FAM118B: variants seen among roughly 807,000 people sequenced by gnomAD.
FAM118B encodes protein FAM118B.
A neutral mutation model predicts 38.5 loss-of-function variants in FAM118B; 24 were observed. The ratio of observed to expected loss-of-function variants is 0.62; its 90% CI spans 0.45 to 0.88. The LOEUF is 0.88. FAM118B is among the 40% of genes least tolerant of loss of function. The pLI, the probability that FAM118B is intolerant of heterozygous loss-of-function variation, is 0.00. For missense variants in FAM118B, 334 were observed against 420.0 expected (o/e 0.80, Z 1.79); for synonymous variants, 138 against 156.3 (o/e 0.88, Z 0.87).
At chr11:126,229,983 A>G (rs1373921853) in intron 2 of FAM118B, among the ~76,000 whole-genome samples, 1 of 152,218 alleles carries the variant, frequency 6.6e-6, no homozygotes, top group East Asian at 1.9e-4. Context: ...TGTTCAGGAA[A>G]TGAGTGTGAT....
At chr11:126,239,815 C>T (rs1226081451) in intron 3 of FAM118B, among the ~76,000 whole-genome samples, 5 of 152,152 alleles carry the variant, frequency 3.3e-5, no homozygotes, top group Non-Finnish European at 7.3e-5. Context: ...CTCCTGGCCT[C>T]GGTTTTTCAT....
At chr11:126,225,965 A>T (rs1248736154) in intron 1 of FAM118B, among the ~76,000 whole-genome samples, 1 of 152,222 alleles carries the variant, frequency 6.6e-6, no homozygotes, top group African/African-American at 2.4e-5. Context: ...TGGGTGACAG[A>T]GTGAGACTCT....
chr11:126,235,137 A>G lies in FAM118B; in HGVS notation c.86+50A>G, dbSNP rs1041169294. The G allele has an allele frequency of 4.6e-6, 7 of 1,514,510 alleles. No homozygotes were observed. The African/African-American group carries it at 8.2e-5, about 18-fold the overall frequency. The allele number at this position is 1,514,510 out of a possible 1,614,324, so 93.8% of individuals were successfully genotyped here. A position where few individuals can be genotyped will look rare whatever the true frequency, so the allele number is the denominator to read the frequency against. On this transcript the variant is annotated intron_variant, in intron 3 of 8. Coordinates refer to ENST00000533050, the MANE Select transcript of FAM118B (RefSeq NM_024556.4). The stretch of plus-strand genomic sequence containing the variant: ...GAGTAAATTACCATTAGTGGGAGAG[A>G]AAGAAAAATAGCCAACTTATACCTT...
chr11:126,239,983 T>C (rs906403041), intron 3 of FAM118B, among the ~76,000 whole-genome samples: 1 of 152,192 alleles, frequency 6.6e-6, no homozygotes, highest in East Asian at 1.9e-4. Context: ...GACAAAAAGG[T>C]TGGGGAGAAG....
rs964017877 is a variant in FAM118B at position 126,252,028 on chromosome 11, C to T, written c.567+1295C>T. ...TGAGATGGAGTTTTGCTCTTGTCGC[C>T]CAGGCTGAAGTGCAATGGCATGATC... On this transcript the variant is annotated intron_variant, in intron 5 of 8. Coordinates refer to ENST00000533050, the MANE Select transcript of FAM118B (RefSeq NM_024556.4). This position sits in a 1 kb window ranked among gnomAD's most constrained non-coding sequence, Gnocchi z 4.7. Among the ~76,000 whole-genome samples the T allele has an allele frequency of 2.0e-5, 3 of 151,436 alleles. No homozygotes were observed. Among genetic ancestry groups the T allele is most frequent in the Non-Finnish European group, 4.4e-5 (3 of 67,970 alleles).
chr11:126,213,950 A>G (rs1357632804), intron 1 of FAM118B, among the ~76,000 whole-genome samples: 1 of 152,232 alleles, frequency 6.6e-6, no homozygotes, highest in Non-Finnish European at 1.5e-5. Context: ...GTTTGGTATG[A>G]CAGTGCAGCT....
intron 4 of FAM118B, among the ~76,000 whole-genome samples, chr11:126,248,716 C>T (rs1169854223): frequency 6.6e-6 from 1 of 152,140 alleles, no homozygotes; most frequent in Admixed American, 6.5e-5. Context: ...AAATCTACTC[C>T]TGCAATAATG....
chr11:126,238,673 C>T (rs150771802), intron 3 of FAM118B, among the ~76,000 whole-genome samples: 8 of 152,276 alleles, frequency 5.3e-5, no homozygotes, highest in Non-Finnish European at 1.2e-4. Context: ...AAACCTCTAG[C>T]CTGCTGAAAG....
intron 6 of FAM118B, among the ~76,000 whole-genome samples, chr11:126,254,891 T>C (rs1305355205): frequency 6.6e-6 from 1 of 152,222 alleles, no homozygotes. Context: ...TGGGTGTGCA[T>C]GCTGTCTAGG....
intron 8 of FAM118B, among the ~76,000 whole-genome samples, chr11:126,261,764 G>A (rs966511511): frequency 2.0e-5 from 3 of 152,184 alleles, no homozygotes; most frequent in African/African-American, 7.2e-5. Flanking sequence ...TGAGGCAGGA[G>A]GATTGCTTGA....
chr11:126,260,079 T>A (rs1396450752), intron 7 of FAM118B, among the ~76,000 whole-genome samples: 2 of 152,022 alleles, frequency 1.3e-5, no homozygotes, highest in African/African-American at 2.4e-5. Flanking sequence ...TCACCCAGGC[T>A]GCAGTACAAT....
chr11:126,228,433 C>G (rs985965759), intron 1 of FAM118B, among the ~76,000 whole-genome samples: 1 of 152,078 alleles, frequency 6.6e-6, no homozygotes, highest in African/African-American at 2.4e-5. Context: ...CTCCTGAGCT[C>G]AAGTGATCCT....
intron 2 of FAM118B, 82 bp downstream of exon 2, chr11:126,229,375 G>C (rs1950180453): frequency 6.6e-6 from 1 of 152,106 alleles, no homozygotes; most frequent in South Asian, 2.1e-4. Flanking sequence ...GAACACTTTT[G>C]TTCCCTATAC....
At position 126,226,194 on chromosome 11, in the gene FAM118B, C is replaced by A. The variant is rs1160364620; in HGVS notation, c.-76-3031C>A. On this transcript the variant is annotated intron_variant, in intron 1 of 8. Transcript: ENST00000533050. ...CAAGTTCCTATCACTGTGAGTTAGG[C>A]AGGCCAGAAAGGAACGTGGCGCAAG... 1.0e-4 allele frequency among the ~76,000 whole-genome samples: 5 copies of A among 49,832 alleles called. 1 individual carries two copies. The highest frequency in any genetic ancestry group is 5.1e-4 in the African/African-American group (5 of 9,844). The allele number at this position is 49,832 out of a possible 152,430, so 32.7% of individuals were successfully genotyped here.
chr11:126,212,030 A>G (rs911506753), intron 1 of FAM118B, among the ~76,000 whole-genome samples, 200 bp downstream of exon 1: 2 of 152,086 alleles, frequency 1.3e-5, no homozygotes, highest in African/African-American at 2.4e-5. Context: ...CGCTCGCCCC[A>G]GAGCCCTCCT....
At chr11:126,214,720 A>G (rs757837782) in intron 1 of FAM118B, among the ~76,000 whole-genome samples, 38 of 151,932 alleles carry the variant, frequency 2.5e-4, no homozygotes, top group Non-Finnish European at 5.0e-4. Flanking sequence ...TTCAAACATG[A>G]CTTATTTACA....
At chr11:126,238,083 C>T (rs910470860) in intron 3 of FAM118B, among the ~76,000 whole-genome samples, 4 of 151,798 alleles carry the variant, frequency 2.6e-5, no homozygotes, top group East Asian at 1.9e-4. Flanking sequence ...TGGAAGAGGC[C>T]GGGTGCGGTG....
chr11:126,258,654 G>T (rs1950619752), intron 7 of FAM118B, among the ~76,000 whole-genome samples: 1 of 152,186 alleles, frequency 6.6e-6, no homozygotes, highest in Admixed American at 6.5e-5. Flanking sequence ...AGACTCTCCT[G>T]CTGTTGTTTG....
intron 2 of FAM118B, among the ~76,000 whole-genome samples, chr11:126,229,652 A>G (rs903699817): frequency 2.1e-4 from 32 of 152,142 alleles, no homozygotes; most frequent in African/African-American, 7.7e-4. Context: ...CATCTTGGCC[A>G]GGCTGGTTTC....
Sources: allele counts gnomAD v4.1 joint callset (sites outside exome capture counted in the v4.1 genomes callset), GRCh38; gene constraint gnomAD v4.1.1; non-coding constraint Gnocchi (gnomAD v3.1); transcripts MANE v1.5; gene names NCBI Gene and HGNC (gene_info 2026-07-23, HGNC 2026-07-21).